FITM1: variants seen among roughly 807,000 people sequenced by gnomAD.
FITM1 encodes fat storage-inducing transmembrane protein 1.
In FITM1, 11 loss-of-function variants were observed where a neutral mutation model predicts 22.2. That is an observed-to-expected ratio of 0.50 (90% CI 0.31 to 0.82). FITM1 has a LOEUF of 0.82. Ranked by LOEUF, FITM1 falls within the 40% of genes least tolerant of loss-of-function variation. FITM1 has a pLI of 0.04. For missense variants in FITM1, 394 were observed against 386.4 expected (o/e 1.02, Z -0.17); for synonymous variants, 164 against 174.0 (o/e 0.94, Z 0.45).
chr14:24,131,671 G>A lies in FITM1; in HGVS notation c.108G>A (p.Leu36=), dbSNP rs1388342934. The A allele has an allele frequency of 6.2e-7, 1 of 1,614,064 alleles. No individual in the cohort carries two copies. Among genetic ancestry groups the A allele is most frequent in the Non-Finnish European group, 8.5e-7 (1 of 1,180,046 alleles). Reference sequence around the variant, plus strand: ...TGCTCTGGGTGGCCTCTGCCTTGCTGTACTTTGGAAGCGAACAGGCCGCCC... The same window carrying A: ...TGCTCTGGGTGGCCTCTGCCTTGCTATACTTTGGAAGCGAACAGGCCGCCC... ...KVLLWVASAL[L]YFGSEQAARL... Residue 36 remains leucine (L), a synonymous_variant, in exon 1 of 2, where the codon CTG becomes CTA. Transcript: ENST00000267426.
chr14:24,131,745 C>G lies in FITM1; in HGVS notation c.182C>G (p.Ala61Gly). Residue 61 changes from alanine (A) to glycine (G), a missense_variant, in exon 1 of 2, where the codon GCA (alanine) becomes GGA (glycine). By Grantham distance (60) the Ala-to-Gly change is moderately conservative. Coordinates refer to ENST00000267426, the MANE Select transcript of FITM1 (RefSeq NM_203402.3). ...CLRRLYHAWL[A>G]AVVIFGPLLQ... ...CGGCGCCTCTACCATGCCTGGCTGG[C>G]AGCAGTGGTCATCTTTGGGCCGCTT... 1 of 1,614,048 alleles carries G rather than the reference C, an allele frequency of 6.2e-7. No homozygotes were observed. Among genetic ancestry groups the G allele is most frequent in the Non-Finnish European group, 8.5e-7 (1 of 1,179,992 alleles).
rs139596139 is a variant in FITM1, at chr14:24,131,642, G to A, written c.79G>A (p.Val27Met). 21 of 1,613,228 alleles carry A rather than the reference G, an allele frequency of 1.3e-5. No individual in the cohort carries two copies. The highest frequency in any genetic ancestry group is 1.1e-4 in the African/African-American group (8 of 74,936). ...IQALLGCLLK[V>M]LLWVASALLY... ...GGCACTGCTGGGCTGCCTGCTCAAG[G>A]TGCTGCTCTGGGTGGCCTCTGCCTT... Residue 27 changes from valine (V) to methionine (M), a missense_variant, in exon 1 of 2, where the codon GTG (valine) becomes ATG (methionine). Val to Met is a conservative substitution (Grantham distance 21). Transcript: ENST00000267426.
chr14:24,131,505 C>G lies in FITM1; in HGVS notation c.-59C>G, dbSNP rs1303346283. The stretch of plus-strand genomic sequence containing the variant: ...TGCCTATCCTTGTCCAGGGGGGGCC[C>G]CATCAGCCCCTCCTCAGCTGCCCAG... On this transcript the variant is annotated 5_prime_UTR_variant, in exon 1 of 2. Transcript: ENST00000267426. 2.7e-6 allele frequency: 4 copies of G among 1,502,404 alleles called. No individual in the cohort carries two copies. The highest frequency in any genetic ancestry group is 3.6e-6 in the Non-Finnish European group (4 of 1,110,416). The allele number at this position is 1,502,404 out of a possible 1,614,324, so 93.1% of individuals were successfully genotyped here.
chr14:24,131,517 C>A lies in FITM1; in HGVS notation c.-47C>A, dbSNP rs1308604470. The A allele has an allele frequency of 2.0e-6, 3 of 1,537,350 alleles. No homozygotes were observed. In the African/African-American group the frequency reaches 4.1e-5, roughly 21 times the overall value. Reference sequence around the variant, plus strand: ...TCCAGGGGGGGCCCCATCAGCCCCTCCTCAGCTGCCCAGCAAAGCAAGCAG... The same window carrying A: ...TCCAGGGGGGGCCCCATCAGCCCCTACTCAGCTGCCCAGCAAAGCAAGCAG... On this transcript the variant is annotated 5_prime_UTR_variant, in exon 1 of 2. Coordinates refer to ENST00000267426, the MANE Select transcript of FITM1 (RefSeq NM_203402.3).
rs1357473290 is a variant in FITM1 at position 24,132,619 on chromosome 14, C to T, written c.675C>T (p.Asn225=). 32 of 1,612,678 alleles carry T rather than the reference C, an allele frequency of 2.0e-5. No homozygotes were observed. The highest frequency in any genetic ancestry group is 2.5e-5 in the Non-Finnish European group (30 of 1,180,044). Residue 225 remains asparagine, a synonymous_variant, in exon 2 of 2, where the codon AAC becomes AAT. Transcript: ENST00000267426. The part of the protein sequence containing the change: ...GAPLRLVFLL[N]VLLLGLWNFL... ...CACTGCGCCTTGTCTTCCTGCTGAA[C>T]GTGCTGCTGCTGGGCCTCTGGAACT...
intron 1 of FITM1, 133 bp downstream of exon 1, chr14:24,131,962 G>T (rs11574502): frequency 0.062 from 85,200 of 1,378,034 alleles, 3,104 homozygotes; most frequent in South Asian, 0.096. Context: ...GTCGGGGGAG[G>T]GGGAAGGGAA....
chr14:24,132,429 T>C lies in FITM1; in HGVS notation c.485T>C (p.Leu162Pro), dbSNP rs2139035546. Residue 162 changes from leucine to proline, a missense_variant, in exon 2 of 2, where the codon CTC (leucine) becomes CCC (proline). Leu to Pro is a moderately conservative substitution (Grantham distance 98). Coordinates refer to ENST00000267426, the MANE Select transcript of FITM1 (RefSeq NM_203402.3). ...CFEPLPQGLL[L>P]HELPDRRSCL... ...GAGCCACTGCCCCAGGGTCTGCTGC[T>C]CCACGAGCTGCCTGACCGCCGCAGC... 3 of 1,608,130 alleles carry C rather than the reference T, an allele frequency of 1.9e-6. No individual in the cohort carries two copies. Among genetic ancestry groups the C allele is most frequent in the South Asian group, 1.1e-5 (1 of 91,074 alleles).
rs2037828653 is a variant in FITM1, at chr14:24,132,342, C to T, written c.398C>T (p.Ala133Val). 1.2e-6 allele frequency: 2 copies of T among 1,614,124 alleles called. No homozygotes were observed. Among genetic ancestry groups the T allele is most frequent in the Middle Eastern group, 1.7e-4 (1 of 6,060 alleles). ...CTGAGCCGACTGGTAGTAGGGGCAG[C>T]CGTGTGGCGGGGAGCCGGCCGGGCC... ...RHLSRLVVGA[A>V]VWRGAGRAFL... The change falls in exon 2 of 2, where the codon GCC becomes GTC. Residue 133 changes from alanine to valine, a missense_variant. Physicochemically the swap from Ala to Val is moderately conservative, Grantham distance 64 (BLOSUM62 0). Transcript: ENST00000267426.
At position 24,131,004 on chromosome 14, in the gene FITM1, T is replaced by A. The variant is rs1594347862; in HGVS notation, c.-560T>A. 6.6e-6 allele frequency among the ~76,000 whole-genome samples: 1 copy of A among 152,228 alleles called. No homozygotes were observed. Among genetic ancestry groups the A allele is most frequent in the East Asian group, 1.9e-4 (1 of 5,204 alleles). On this transcript the variant is annotated 5_prime_UTR_variant, in exon 1 of 2. Transcript: ENST00000267426. ...AAGTGGATACCCATGCTGATCTGCC[T>A]CCCAAGGCCTATGATGGCCACAGTG...
chr14:24,131,963 G>A (rs182915851), intron 1 of FITM1, 134 bp downstream of exon 1: 3 of 1,374,346 alleles, frequency 2.2e-6, no homozygotes, highest in East Asian at 2.4e-5. Context: ...TCGGGGGAGG[G>A]GGAAGGGAAC....
At position 24,131,919 on chromosome 14, in the gene FITM1, A is replaced by G. The variant is rs2037825396; in HGVS notation, c.266+90A>G. The G allele has an allele frequency of 4.0e-6, 6 of 1,490,190 alleles. No individual in the cohort carries two copies. In the South Asian group the frequency reaches 8.2e-5, roughly 20 times the overall value. 92.3% of individuals were successfully genotyped at this position (1,490,190 alleles called of 1,614,324 possible). ...GGCTTCTGTCCTCCTGCCAGTCTGAACACTAAAAATAGGCTAGGAGGTTGA... is the reference window on the plus strand; with the variant it reads ...GGCTTCTGTCCTCCTGCCAGTCTGAGCACTAAAAATAGGCTAGGAGGTTGA... On this transcript the variant is annotated intron_variant, in intron 1 of 1. Transcript: ENST00000267426.
In FITM1 at chr14:24,130,871, T is replaced by G. The variant is rs2037816665; in HGVS notation, c.-693T>G. ...TCTGAGGGTCAACGTGATCAACAGA[T>G]GAAACCGCCAGTTTATACAGCAGCC... On this transcript the variant is annotated 5_prime_UTR_variant, in exon 1 of 2. It removes an upstream start codon present in the reference 5' UTR. Coordinates refer to ENST00000267426, the MANE Select transcript of FITM1 (RefSeq NM_203402.3). Among the ~76,000 whole-genome samples, 1 of 152,200 alleles carries G rather than the reference T, an allele frequency of 6.6e-6. No individual in the cohort carries two copies. The highest frequency in any genetic ancestry group is 2.4e-5 in the African/African-American group (1 of 41,460).
rs1181828707 is a variant in FITM1, at chr14:24,131,302, A to G, written c.-262A>G. The G allele has an allele frequency of 1.6e-5, 10 of 642,740 alleles. No homozygotes were observed. The South Asian group carries it at 1.6e-4, about 10-fold the overall frequency. The allele number at this position is 642,740 out of a possible 1,614,324, so 39.8% of individuals were successfully genotyped here. A position where few individuals can be genotyped will look rare whatever the true frequency, so the allele number is the denominator to read the frequency against. ...AACTGGAACATGGTCGGAGCCAAGG[A>G]CACAGGACTAACAGGAAAGGACACA... On this transcript the variant is annotated 5_prime_UTR_variant, in exon 1 of 2. Coordinates refer to ENST00000267426, the MANE Select transcript of FITM1 (RefSeq NM_203402.3).
chr14:24,132,802 C>T lies in FITM1; in HGVS notation c.858C>T (p.His286=), dbSNP rs541381673. The T allele has an allele frequency of 6.8e-5, 110 of 1,610,420 alleles. No homozygotes were observed. In the East Asian group the frequency reaches 2.3e-3, roughly 33 times the overall value. ...SPGHGLFPRP[H]SSRKHN ...GCCATGGGCTCTTCCCCCGTCCCCA[C>T]TCCAGCCGCAAGCATAACTGAAAGA... Residue 286 remains histidine, a synonymous_variant, in exon 2 of 2, where the codon CAC becomes CAT. Transcript: ENST00000267426.
chr14:24,131,606 GC>G lies in FITM1; in HGVS notation c.46del (p.Arg16GlufsTer74). On this transcript the variant is annotated frameshift_variant, in exon 1 of 2. Coordinates refer to ENST00000267426, the MANE Select transcript of FITM1 (RefSeq NM_203402.3). LOFTEE classifies it high-confidence loss of function. ...GGTGGGGGCAGGACTGGGGGCCGGG[GC>G]CCGAATCCAGGCACTGCTGGGCTGC... ...PVVGAGLGAG[A>X]RIQALLGCLL... The G allele has an allele frequency of 6.2e-7, 1 of 1,608,252 alleles. No individual in the cohort carries two copies. The highest frequency in any genetic ancestry group is 8.5e-7 in the Non-Finnish European group (1 of 1,177,864).
In FITM1 at chr14:24,132,605, G is replaced by A; in HGVS notation, c.661G>A (p.Val221Ile). ...TCCTGCCGGCGCCCCACTGCGCCTT[G>A]TCTTCCTGCTGAACGTGCTGCTGCT... The part of the protein sequence containing the change: ...GLPAGAPLRL[V>I]FLLNVLLLGL... The change falls in exon 2 of 2, where the codon GTC (valine) becomes ATC (isoleucine). Residue 221 changes from valine (V) to isoleucine (I), a missense_variant. Val to Ile is a conservative substitution (Grantham distance 29). Coordinates refer to ENST00000267426, the MANE Select transcript of FITM1 (RefSeq NM_203402.3). The A allele has an allele frequency of 6.2e-7, 1 of 1,611,962 alleles. No individual in the cohort carries two copies. The highest frequency in any genetic ancestry group is 1.1e-5 in the South Asian group (1 of 91,084).
Position 24,131,742 on chromosome 14 carries a change from T to TG in FITM1, c.181dup (p.Ala61GlyfsTer107). 1 of 1,614,154 alleles carries TG rather than the reference T, an allele frequency of 6.2e-7. No homozygotes were observed. Among genetic ancestry groups the TG allele is most frequent in the Non-Finnish European group, 8.5e-7 (1 of 1,180,026 alleles). ...TTACGGCGCCTCTACCATGCCTGGC[T>TG]GGCAGCAGTGGTCATCTTTGGGCCG... On this transcript the variant is annotated frameshift_variant, in exon 1 of 2. Coordinates refer to ENST00000267426, the MANE Select transcript of FITM1 (RefSeq NM_203402.3). LOFTEE classifies it high-confidence loss of function.
intron 1 of FITM1, 122 bp downstream of exon 1, chr14:24,131,951 G>C (rs1199712890): frequency 7.1e-7 from 1 of 1,413,072 alleles, no homozygotes; most frequent in Non-Finnish European, 9.3e-7. Flanking sequence ...TTGAGGAAAA[G>C]GTCGGGGGAG....
At position 24,130,766 on chromosome 14, in the gene FITM1, C is replaced by T. The variant is rs2037814889; in HGVS notation, c.-798C>T. On this transcript the variant is annotated 5_prime_UTR_variant, in exon 1 of 2. Coordinates refer to ENST00000267426, the MANE Select transcript of FITM1 (RefSeq NM_203402.3). ...GGTTGGAGGATGGAACTTAAGGTTT[C>T]AATTGACTCCTGTCTGGCAATTGCC... 6.6e-6 allele frequency among the ~76,000 whole-genome samples: 1 copy of T among 152,190 alleles called. No individual in the cohort carries two copies.
Sources: allele counts gnomAD v4.1 joint callset (sites outside exome capture counted in the v4.1 genomes callset), GRCh38; gene constraint gnomAD v4.1.1; transcripts MANE v1.5; gene names NCBI Gene and HGNC (gene_info 2026-07-23, HGNC 2026-07-21).